Variants in MED12L observed in about 807,000 individuals in gnomAD.
MED12L encodes the protein mediator complex subunit 12L.
Under a neutral mutation model 281.3 loss-of-function variants are expected in MED12L, and 60 were observed. That is an observed-to-expected ratio of 0.21 (90% CI 0.17 to 0.26). The LOEUF (loss-of-function observed/expected upper bound fraction) is 0.26. MED12L is among the 10% of genes least tolerant of loss of function. The probability of loss-of-function intolerance (pLI) is 1.00; values close to 1 mark genes in which losing one functional copy is unlikely to be tolerated. For synonymous variants in MED12L, 974 were observed against 987.2 expected (o/e 0.99, Z 0.25); for missense variants, 2,146 against 2,680.9 (o/e 0.80, Z 4.41).
In MED12L at chr3:151,195,400, A is replaced by G. The variant is rs151147681; in HGVS notation, c.2250+1734A>G. On this transcript the variant is annotated intron_variant, in intron 16 of 44. Transcript: ENST00000687756. ...GTCCAGGGCCATTTCAAAACTTGTCAAATTATCAAACCCATATTTTTTTCC... is the reference window on the plus strand; with the variant it reads ...GTCCAGGGCCATTTCAAAACTTGTCGAATTATCAAACCCATATTTTTTTCC... 4.5e-4 allele frequency among the ~76,000 whole-genome samples: 68 copies of G among 152,176 alleles called. 1 individual carries two copies. The highest frequency in any genetic ancestry group is 1.5e-3 in the African/African-American group (64 of 41,522).
At chr3:151,331,388 G>A (rs1197270225) in intron 16 of MED12L, among the ~76,000 whole-genome samples, 1 of 152,096 alleles carries the variant, frequency 6.6e-6, no homozygotes, top group East Asian at 1.9e-4. Flanking sequence ...CTTTTCTTAT[G>A]ACCTTAGGCA....
At chr3:151,236,736 A>G (rs974869695) in intron 16 of MED12L, among the ~76,000 whole-genome samples, 1 of 152,224 alleles carries the variant, frequency 6.6e-6, no homozygotes, top group Admixed American at 6.5e-5. Context: ...ATTTTTCTAT[A>G]TATTTTACTG....
chr3:151,235,976 T>C (rs1351878022), intron 16 of MED12L, among the ~76,000 whole-genome samples: 1 of 152,142 alleles, frequency 6.6e-6, no homozygotes, highest in African/African-American at 2.4e-5. Context: ...GTAATTGTGG[T>C]TTTTGTGATG....
chr3:151,234,048 C>T (rs1312262820), intron 16 of MED12L, among the ~76,000 whole-genome samples: 2 of 152,238 alleles, frequency 1.3e-5, no homozygotes, highest in African/African-American at 4.8e-5. Flanking sequence ...TGAACATTCA[C>T]TCACTCTGTA....
At chr3:151,301,604 G>C (rs547698596) in intron 16 of MED12L, among the ~76,000 whole-genome samples, 1 of 152,286 alleles carries the variant, frequency 6.6e-6, no homozygotes, top group Admixed American at 6.5e-5. Context: ...TTTAAAAAAG[G>C]TCAAAAGATT....
chr3:151,151,055 G>GTTTTTTTTTTTTTT, intron 5 of MED12L, among the ~76,000 whole-genome samples: 1 of 3,742 alleles, frequency 2.7e-4, no homozygotes, highest in African/African-American at 8.1e-4. Flanking sequence ...TTTTTTTTTT[G>GTTTTTTTTTTTTTT]AGATAGAGTC....
At position 151,190,809 on chromosome 3, in the gene MED12L, G is replaced by T. The variant is rs1161292258; in HGVS notation, c.1846G>T (p.Ala616Ser). ...FIRHDVFSHD[A>S]YMCTLISRGD... ...CCGCCATGATGTCTTCTCCCATGAC[G>T]CATACATGTGTACCCTCATATCTCG... The change falls in exon 14 of 45, where the codon GCA becomes TCA. Residue 616 changes from alanine to serine, a missense_variant. This residue lies in a region of MED12L where 722 missense variants were observed against 861.2 expected (regional missense o/e 0.84). Coordinates refer to ENST00000687756, the MANE Select transcript of MED12L (RefSeq NM_001393769.1). 6.2e-7 allele frequency: 1 copy of T among 1,614,000 alleles called. No individual in the cohort carries two copies. Among genetic ancestry groups the T allele is most frequent in the Admixed American group, 1.7e-5 (1 of 59,996 alleles).
At chr3:151,403,656 G>A (rs915806582) in intron 39 of MED12L, among the ~76,000 whole-genome samples, 6 of 152,038 alleles carry the variant, frequency 3.9e-5, no homozygotes, top group Admixed American at 3.9e-4. Flanking sequence ...ATAGGTTTCT[G>A]TATCAGGTAG....
intron 43 of MED12L, among the ~76,000 whole-genome samples, chr3:151,429,055 G>A (rs78527232): frequency 0.028 from 4,229 of 152,246 alleles, 188 homozygotes; most frequent in African/African-American, 0.096. Flanking sequence ...ACAAAGGTAT[G>A]GAAAACCAGC....
chr3:151,326,966 TG>T (rs1749677734), intron 16 of MED12L: 2 of 152,204 alleles, frequency 1.3e-5, no homozygotes, highest in South Asian at 4.1e-4. Flanking sequence ...TTACTGATTG[TG>T]GGTCAGCAAT....
At chr3:151,223,733 G>T (rs905596325) in intron 16 of MED12L, among the ~76,000 whole-genome samples, 2 of 152,156 alleles carry the variant, frequency 1.3e-5, no homozygotes, top group African/African-American at 4.8e-5. Flanking sequence ...CTTACTCTTG[G>T]GTTTTGTGTT....
At chr3:151,320,978 T>C (rs533715720) in intron 16 of MED12L, among the ~76,000 whole-genome samples, 2 of 152,180 alleles carry the variant, frequency 1.3e-5, no homozygotes, top group East Asian at 1.9e-4. Flanking sequence ...AGGATAAATA[T>C]ATACAGTGTA....
rs189234926 is a variant in MED12L at position 151,329,606 on chromosome 3, T to C, written c.2251-20453T>C. Reference sequence around the variant, plus strand: ...GGATTTCCTTCCTTATTTTTACTTATGTAATGTGACCCATTAGAACCTCTT... The same window carrying C: ...GGATTTCCTTCCTTATTTTTACTTACGTAATGTGACCCATTAGAACCTCTT... On this transcript the variant is annotated intron_variant, in intron 16 of 44. Transcript: ENST00000687756. The C allele has an allele frequency of 6.4e-4, 668 of 1,050,266 alleles. 8 individuals are homozygous for C. The African/African-American group carries it at 9.3e-3, about 15-fold the overall frequency. 65.1% of individuals were successfully genotyped at this position (1,050,266 alleles called of 1,614,324 possible). A position where few individuals can be genotyped will look rare whatever the true frequency, so the allele number is the denominator to read the frequency against.
chr3:151,409,164 T>A, intron 39 of MED12L, 79 bp from the exon 40 acceptor site: 1 of 1,047,010 alleles, frequency 9.6e-7, no homozygotes, highest in Non-Finnish European at 1.4e-6. Flanking sequence ...TAGATGTGGG[T>A]TATTTGGATT....
At chr3:151,329,018 T>C in intron 16 of MED12L, 3 of 1,553,150 alleles carry the variant, frequency 1.9e-6, no homozygotes, top group Non-Finnish European at 2.6e-6. Context: ...CTGTTACCAA[T>C]AAACATATAT....
At chr3:151,368,634 C>T (rs12632343) in intron 25 of MED12L, among the ~76,000 whole-genome samples, 1,800 of 42,820 alleles carry the variant, frequency 0.042, 15 homozygotes, top group African/African-American at 0.063. Context: ...TATTTTATTT[C>T]ATTTCATTTC....
At chr3:151,178,345 A>G (rs1298554895) in intron 11 of MED12L, among the ~76,000 whole-genome samples, 1 of 152,116 alleles carries the variant, frequency 6.6e-6, no homozygotes, top group African/African-American at 2.4e-5. Flanking sequence ...CAAAAGCTGG[A>G]AATCTAATAG....
chr3:151,248,464 C>T (rs1014641885), intron 16 of MED12L, among the ~76,000 whole-genome samples: 2 of 152,086 alleles, frequency 1.3e-5, no homozygotes, highest in African/African-American at 4.8e-5. Context: ...TCAGTATATT[C>T]GTTCTTTATT....
intron 16 of MED12L, among the ~76,000 whole-genome samples, chr3:151,224,954 A>G (rs549460099): frequency 2.0e-5 from 3 of 152,144 alleles, no homozygotes; most frequent in Admixed American, 6.5e-5. Context: ...ATTACATTTT[A>G]TGTTACTAAA....
Sources: allele counts gnomAD v4.1 joint callset (sites outside exome capture counted in the v4.1 genomes callset), GRCh38; gene constraint gnomAD v4.1.1; regional missense constraint gnomAD v4.1.1; transcripts MANE v1.5; gene names NCBI Gene and HGNC (gene_info 2026-07-23, HGNC 2026-07-21).